CDIN1: variants seen among roughly 807,000 people sequenced by gnomAD.
CDIN1 encodes CDAN1-interacting nuclease 1.
In CDIN1, 33 loss-of-function variants were observed where a neutral mutation model predicts 45.3. The observed-to-expected ratio is 0.73, with a 90% CI of 0.55 to 0.97. CDIN1 has a LOEUF of 0.97. CDIN1 is among the 50% of genes least tolerant of loss of function. The pLI, the probability that CDIN1 is intolerant of heterozygous loss-of-function variation, is 0.00. For synonymous variants in CDIN1, 118 were observed against 124.4 expected (o/e 0.95, Z 0.34); for missense variants, 303 against 339.4 (o/e 0.89, Z 0.84).
intron 10 of CDIN1, among the ~76,000 whole-genome samples, chr15:36,711,669 T>G (rs1192618815): frequency 6.6e-6 from 1 of 152,202 alleles, no homozygotes; most frequent in Non-Finnish European, 1.5e-5. Flanking sequence ...ATATACTGGC[T>G]AAGTGAGCAT....
chr15:36,589,021 T>G lies in CDIN1; in HGVS notation c.101+9060T>G, dbSNP rs192513654. 6.1e-3 allele frequency among the ~76,000 whole-genome samples: 923 copies of G among 152,308 alleles called. 13 individuals are homozygous for G. Among genetic ancestry groups the G allele is most frequent in the African/African-American group, 0.021 (865 of 41,568 alleles). On this transcript the variant is annotated intron_variant, in intron 1 of 10. Coordinates refer to ENST00000566621, the MANE Select transcript of CDIN1 (RefSeq NM_001321759.2). ...ATTCAGGCATCAAACTTTAGTTTAC[T>G]AAGTAATAACCCTTACCAGAATGAT...
At chr15:36,794,122 G>T (rs2054726334) in intron 10 of CDIN1, among the ~76,000 whole-genome samples, 1 of 139,152 alleles carries the variant, frequency 7.2e-6, no homozygotes, top group Non-Finnish European at 1.5e-5. Context: ...GCAGTGATGC[G>T]ATCTCGGCTC....
intron 10 of CDIN1, among the ~76,000 whole-genome samples, chr15:36,729,758 A>G (rs899779616): frequency 6.6e-6 from 1 of 152,220 alleles, no homozygotes; most frequent in Admixed American, 6.5e-5. Flanking sequence ...TCATTTATCA[A>G]CAAGAGGCAA....
intron 1 of CDIN1, chr15:36,613,780 A>G: frequency 6.2e-7 from 1 of 1,602,358 alleles, no homozygotes; most frequent in Non-Finnish European, 8.5e-7. Context: ...AAGATGAAGA[A>G]AAGATAGAAC....
chr15:36,702,733 G>A (rs8028902), intron 8 of CDIN1, among the ~76,000 whole-genome samples: 21,186 of 152,090 alleles, frequency 0.14, 1,532 homozygotes, highest in East Asian at 0.24. Flanking sequence ...GATCCAGAAG[G>A]CAAAACAATA....
At chr15:36,653,421 G>T (rs1204867177) in intron 3 of CDIN1, among the ~76,000 whole-genome samples, 1 of 149,866 alleles carries the variant, frequency 6.7e-6, no homozygotes, top group Non-Finnish European at 1.5e-5. Flanking sequence ...GCCTTGAAGT[G>T]TTATAACAAG....
intron 1 of CDIN1, among the ~76,000 whole-genome samples, chr15:36,586,103 G>C (rs2037284832): frequency 6.6e-6 from 1 of 151,792 alleles, no homozygotes; most frequent in South Asian, 2.1e-4. Context: ...CTCATGACTA[G>C]TTCCGGCTCC....
intron 10 of CDIN1, among the ~76,000 whole-genome samples, chr15:36,788,264 G>C (rs1287602626): frequency 6.6e-6 from 1 of 151,332 alleles, no homozygotes; most frequent in African/African-American, 2.4e-5. Context: ...TGACAGGCAT[G>C]CGCCACCACA....
At chr15:36,734,351 G>A (rs962242490) in intron 10 of CDIN1, 2 of 429,768 alleles carry the variant, frequency 4.7e-6, no homozygotes, top group Admixed American at 2.8e-5. Context: ...TCGGGTATAA[G>A]AATTCCAGAG....
chr15:36,666,304 T>G (rs2041246222), intron 5 of CDIN1, among the ~76,000 whole-genome samples: 1 of 152,126 alleles, frequency 6.6e-6, no homozygotes, highest in Admixed American at 6.5e-5. Context: ...ACTGATGAAA[T>G]GTAGTAGACT....
At chr15:36,673,484 C>T (rs1169397165) in intron 5 of CDIN1, among the ~76,000 whole-genome samples, 2 of 152,030 alleles carry the variant, frequency 1.3e-5, no homozygotes, top group East Asian at 1.9e-4. Flanking sequence ...GATTGTCATT[C>T]ATTATTGTTT....
chr15:36,774,170 G>A (rs1452491608), intron 10 of CDIN1, among the ~76,000 whole-genome samples: 2 of 151,678 alleles, frequency 1.3e-5, no homozygotes, highest in African/African-American at 4.8e-5. Flanking sequence ...GTGTGCGCGC[G>A]CGCGCATGCA....
At chr15:36,760,389 TTCA>T (rs2053726411) in intron 10 of CDIN1, among the ~76,000 whole-genome samples, 2 of 152,220 alleles carry the variant, frequency 1.3e-5, no homozygotes, top group Non-Finnish European at 2.9e-5. Context: ...CCTTTTAATA[TTCA>T]ACTAAAAGAA....
At chr15:36,780,143 C>T (rs1409509451) in intron 10 of CDIN1, among the ~76,000 whole-genome samples, 1 of 152,056 alleles carries the variant, frequency 6.6e-6, no homozygotes, top group Non-Finnish European at 1.5e-5. Flanking sequence ...CTTTTTGGGA[C>T]CTGAGACTAT....
intron 10 of CDIN1, among the ~76,000 whole-genome samples, chr15:36,747,393 T>G (rs761238550): frequency 6.6e-6 from 1 of 152,228 alleles, no homozygotes; most frequent in Non-Finnish European, 1.5e-5. Flanking sequence ...AGTTTTCATT[T>G]ATTCCATGCT....
At chr15:36,591,241 A>T (rs1421474665) in intron 1 of CDIN1, among the ~76,000 whole-genome samples, 1 of 152,158 alleles carries the variant, frequency 6.6e-6, no homozygotes, top group Non-Finnish European at 1.5e-5. Flanking sequence ...TTTAAAAAAA[A>T]TTTGTTTCTG....
At chr15:36,664,837 C>T (rs1470206700) in intron 5 of CDIN1, among the ~76,000 whole-genome samples, 3 of 152,208 alleles carry the variant, frequency 2.0e-5, no homozygotes, top group Non-Finnish European at 2.9e-5. Flanking sequence ...TGAGCCACCG[C>T]GCCCAGCCTG....
intron 5 of CDIN1, among the ~76,000 whole-genome samples, chr15:36,690,558 G>A (rs1278864460): frequency 6.6e-6 from 1 of 152,018 alleles, no homozygotes; most frequent in Non-Finnish European, 1.5e-5. Context: ...GTGAGCCACC[G>A]CGCCTGGCCA....
At chr15:36,651,271 A>G (rs1054397963) in intron 3 of CDIN1, among the ~76,000 whole-genome samples, 2 of 152,158 alleles carry the variant, frequency 1.3e-5, no homozygotes, top group African/African-American at 4.8e-5. Context: ...TCATTTGTGT[A>G]GCCCTACCCC....
Sources: gnomAD v4.1 joint callset for allele counts (sites outside exome capture counted in the v4.1 genomes callset) on GRCh38, gnomAD v4.1.1 for gene constraint, MANE v1.5 for transcripts, NCBI Gene and HGNC (gene_info 2026-07-23, HGNC 2026-07-21) for gene names.